Variants in ELMO1 observed in about 807,000 individuals in gnomAD.
ELMO1 encodes engulfment and cell motility 1.
A neutral mutation model predicts 98.9 loss-of-function variants in ELMO1; 26 were observed. That is an observed-to-expected ratio of 0.26 (90% CI 0.19 to 0.36). The LOEUF (loss-of-function observed/expected upper bound fraction) is 0.36. Ranked by LOEUF, ELMO1 falls within the 10% of genes least tolerant of loss-of-function variation. ELMO1 has a pLI of 1.00. For missense variants in ELMO1, 627 were observed against 935.2 expected (o/e 0.67, Z 4.30); for synonymous variants, 346 against 346.0 (o/e 1.00, Z 0.00).
At chr7:37,011,187 A>G (rs1297196201) in intron 16 of ELMO1, among the ~76,000 whole-genome samples, 1 of 152,214 alleles carries the variant, frequency 6.6e-6, no homozygotes, top group Non-Finnish European at 1.5e-5. Flanking sequence ...ACAGCCATAT[A>G]GGCTAATTAT....
intron 16 of ELMO1, among the ~76,000 whole-genome samples, chr7:36,909,832 G>T (rs752054047): frequency 2.4e-4 from 37 of 152,144 alleles, no homozygotes; most frequent in Non-Finnish European, 4.1e-4. Flanking sequence ...CAAAGTACTG[G>T]TGAGGCCTCC....
At chr7:37,087,003 T>G (rs1206849172) in intron 15 of ELMO1, among the ~76,000 whole-genome samples, 1 of 152,222 alleles carries the variant, frequency 6.6e-6, no homozygotes, top group African/African-American at 2.4e-5. Context: ...GAAATGTCTA[T>G]TGTATATTTT....
intron 13 of ELMO1, among the ~76,000 whole-genome samples, chr7:37,133,451 G>C (rs1044981486): frequency 4.6e-5 from 7 of 152,026 alleles, no homozygotes. Flanking sequence ...TTTATACCTG[G>C]GATTAGGAAA....
intron 4 of ELMO1, among the ~76,000 whole-genome samples, chr7:37,296,235 A>G (rs889360877): frequency 2.6e-5 from 4 of 152,042 alleles, no homozygotes; most frequent in African/African-American, 4.8e-5. Context: ...TGTAGAATTC[A>G]TTTCTTGTGA....
chr7:37,168,953 C>T (rs1161018166), intron 13 of ELMO1, among the ~76,000 whole-genome samples: 1 of 152,218 alleles, frequency 6.6e-6, no homozygotes, highest in Non-Finnish European at 1.5e-5. Flanking sequence ...GTGGAGCCTA[C>T]AGAGGCAGGC....
chr7:37,204,050 C>G, intron 13 of ELMO1: 1 of 454,280 alleles, frequency 2.2e-6, no homozygotes, highest in Non-Finnish European at 4.4e-6. Flanking sequence ...TATTTAGCCC[C>G]CGAATTCTAA....
intron 2 of ELMO1, among the ~76,000 whole-genome samples, chr7:37,321,331 T>C (rs1421980554): frequency 6.6e-6 from 1 of 152,202 alleles, no homozygotes; most frequent in African/African-American, 2.4e-5. Context: ...ATCTGTCCAA[T>C]TCTCCAAGAC....
intron 18 of ELMO1, among the ~76,000 whole-genome samples, chr7:36,884,977 G>A (rs17170762): frequency 0.041 from 6,217 of 152,212 alleles, 296 homozygotes; most frequent in East Asian, 0.24. Context: ...GTAGAAGTGC[G>A]TCTTTCTCGA....
intron 13 of ELMO1, among the ~76,000 whole-genome samples, chr7:37,157,129 A>G (rs180940399): frequency 9.8e-5 from 15 of 152,370 alleles, no homozygotes; most frequent in Non-Finnish European, 2.1e-4. Flanking sequence ...TTCATGCTAA[A>G]AACTCTCAAT....
chr7:36,896,592 T>C (rs1806016757), intron 16 of ELMO1, among the ~76,000 whole-genome samples: 1 of 152,244 alleles, frequency 6.6e-6, no homozygotes, highest in Admixed American at 6.5e-5. Context: ...TGGAACGAAC[T>C]GCATAAGCAT....
intron 4 of ELMO1, among the ~76,000 whole-genome samples, chr7:37,309,300 C>T (rs1278728619): frequency 2.6e-5 from 4 of 152,156 alleles, no homozygotes; most frequent in Admixed American, 6.5e-5. Context: ...TTCACTACCA[C>T]GAGAACAGTA....
intron 1 of ELMO1, among the ~76,000 whole-genome samples, chr7:37,354,161 C>T (rs1801400328): frequency 6.6e-6 from 1 of 152,186 alleles, no homozygotes; most frequent in African/African-American, 2.4e-5. Flanking sequence ...GAGGGTAGGA[C>T]TCATATCTTA....
At chr7:37,294,190 C>A (rs565507626) in intron 4 of ELMO1, among the ~76,000 whole-genome samples, 68 of 152,222 alleles carry the variant, frequency 4.5e-4, no homozygotes, top group African/African-American at 1.6e-3. Context: ...TGCACATAAC[C>A]CACTTTTCTA....
In ELMO1 at chr7:36,858,767, T is replaced by A. The variant is rs79341087; in HGVS notation, c.1983+2892A>T. Among the ~76,000 whole-genome samples the A allele has an allele frequency of 8.6e-3, 1,315 of 152,074 alleles. 21 individuals are homozygous for A. Among genetic ancestry groups the A allele is most frequent in the African/African-American group, 0.03 (1,243 of 41,486 alleles). ...GAAAAGGTTCAACCAGCCATTGCAA[T>A]GGATGGAGGCCAAGGAGTGCAGGTG... On this transcript the variant is annotated intron_variant, in intron 21 of 21. Transcript: ENST00000310758.
chr7:37,058,192 T>G (rs1796487662), intron 15 of ELMO1, among the ~76,000 whole-genome samples: 2 of 152,182 alleles, frequency 1.3e-5, no homozygotes, highest in South Asian at 4.1e-4. Flanking sequence ...ACTCTATCAA[T>G]GCTAAGGTCC....
chr7:37,118,915 A>G (rs1584672924), intron 14 of ELMO1, among the ~76,000 whole-genome samples: 1 of 152,224 alleles, frequency 6.6e-6, no homozygotes, highest in Non-Finnish European at 1.5e-5. Context: ...TACCACCTCC[A>G]TATGAATCTA....
intron 1 of ELMO1, among the ~76,000 whole-genome samples, chr7:37,390,482 C>T (rs879841611): frequency 3.9e-5 from 6 of 151,940 alleles, no homozygotes; most frequent in Admixed American, 6.6e-5. Flanking sequence ...GACTCCCAGA[C>T]GCACAGAGGC....
Position 36,854,410 on chromosome 7 carries a change from CA to C in ELMO1, c.*1140del, listed in dbSNP as rs1489205609. The stretch of plus-strand genomic sequence containing the variant: ...AGCATGTTTAAGGGAATGTTATTTT[CA>C]GGAAGATGTTTGGGATTAAAATAAT... On this transcript the variant is annotated 3_prime_UTR_variant, in exon 22 of 22. Transcript: ENST00000310758. 12 of 152,208 alleles carry C rather than the reference CA, an allele frequency of 7.9e-5. No homozygotes were observed. Among genetic ancestry groups the C allele is most frequent in the Admixed American group, 7.2e-4 (11 of 15,222 alleles). 9.4% of individuals were successfully genotyped at this position (152,208 alleles called of 1,614,324 possible). A position where few individuals can be genotyped will look rare whatever the true frequency, so the allele number is the denominator to read the frequency against.
chr7:36,887,626 G>C lies in ELMO1; in HGVS notation c.1648C>G (p.Gln550Glu). 1.9e-6 allele frequency: 3 copies of C among 1,614,074 alleles called. No homozygotes were observed. The highest frequency in any genetic ancestry group is 2.5e-6 in the Non-Finnish European group (3 of 1,179,962). The change falls in exon 18 of 22, where the codon CAG (glutamine) becomes GAG (glutamate). Residue 550 changes from glutamine (Q) to glutamate (E), a missense_variant. Coordinates refer to ENST00000310758, the MANE Select transcript of ELMO1 (RefSeq NM_014800.11). The part of the protein sequence containing the change: ...IQPEILELIK[Q>E]QRLNRLVEGT... The stretch of plus-strand genomic sequence containing the variant: ...TCCACAAGGCGGTTCAGGCGTTGCT[G>C]TTTGATCAGCTCTAAGATTTCTGGC...
Sources: allele counts gnomAD v4.1 joint callset (sites outside exome capture counted in the v4.1 genomes callset), GRCh38; gene constraint gnomAD v4.1.1; transcripts MANE v1.5; gene names NCBI Gene and HGNC (gene_info 2026-07-23, HGNC 2026-07-21).